Variants in PARP8 observed in about 807,000 individuals in gnomAD.
The protein encoded by PARP8 is poly(ADP-ribose) polymerase family member 8.
Under a neutral mutation model 124.1 loss-of-function variants are expected in PARP8, and 51 were observed. The observed-to-expected ratio is 0.41, with a 90% CI of 0.33 to 0.52. The LOEUF (loss-of-function observed/expected upper bound fraction) is 0.52. Among genes scored for constraint, PARP8 ranks in the 20% least tolerant of loss-of-function variants. The probability of loss-of-function intolerance (pLI) is 0.21; values close to 1 mark genes in which losing one functional copy is unlikely to be tolerated. For synonymous variants in PARP8, 391 were observed against 361.5 expected, an observed-to-expected ratio of 1.08 and a Z score of -0.93; for missense variants, 860 against 1,018.9, an observed-to-expected ratio of 0.84 and a Z score of 2.12.
chr5:50,698,613 A>C (rs1753274914), intron 2 of PARP8, among the ~76,000 whole-genome samples: 1 of 152,128 alleles, frequency 6.6e-6, no homozygotes, highest in Non-Finnish European at 1.5e-5. Flanking sequence ...AGAGCAGGAG[A>C]AAAGCCAAGG....
At chr5:50,774,315 C>A (rs1016450301) in intron 7 of PARP8, among the ~76,000 whole-genome samples, 1 of 152,128 alleles carries the variant, frequency 6.6e-6, no homozygotes, top group Non-Finnish European at 1.5e-5. Context: ...ACAAAACCAC[C>A]ATCGTCATCA....
Position 50,760,378 on chromosome 5 carries a change from T to G in PARP8, c.345+16T>G, listed in dbSNP as rs1233976787. 1 of 1,489,754 alleles carries G rather than the reference T, an allele frequency of 6.7e-7. No individual in the cohort carries two copies. Among genetic ancestry groups the G allele is most frequent in the Admixed American group, 2.0e-5 (1 of 50,222 alleles). The allele number at this position is 1,489,754 out of a possible 1,614,324, so 92.3% of individuals were successfully genotyped here. ...AAATGGGGAGGTATGTAAATTATAT[T>G]TTTTATTTTCTTGAAACAGTATAGA... On this transcript the variant is annotated intron_variant, in intron 5 of 25. Transcript: ENST00000281631.
At position 50,720,550 on chromosome 5, in the gene PARP8, A is replaced by G. The variant is rs565731299; in HGVS notation, c.147-29601A>G. On this transcript the variant is annotated intron_variant, in intron 2 of 25. Transcript: ENST00000281631. ...TCTGCCAGCTGCCTCTGAAAGGAAGATCCCAGAAGCTGTGGCAGAATACTT... is the reference window on the plus strand; with the variant it reads ...TCTGCCAGCTGCCTCTGAAAGGAAGGTCCCAGAAGCTGTGGCAGAATACTT... Among the ~76,000 whole-genome samples the G allele has an allele frequency of 3.3e-5, 5 of 152,126 alleles. No homozygotes were observed. The East Asian group carries it at 9.7e-4, about 30-fold the overall frequency.
At chr5:50,706,390 A>G (rs1359482186) in intron 2 of PARP8, among the ~76,000 whole-genome samples, 2 of 152,092 alleles carry the variant, frequency 1.3e-5, no homozygotes, top group African/African-American at 4.8e-5. Flanking sequence ...CATGTCTGGT[A>G]TCAATTTTTC....
intron 9 of PARP8, among the ~76,000 whole-genome samples, chr5:50,787,141 C>T (rs1741347102): frequency 6.6e-6 from 1 of 152,102 alleles, no homozygotes; most frequent in Non-Finnish European, 1.5e-5. Flanking sequence ...CCAGTCCACC[C>T]GCAAAATCTG....
intron 4 of PARP8, 51 bp downstream of exon 4, chr5:50,759,783 T>C: frequency 6.6e-7 from 1 of 1,510,266 alleles, no homozygotes; most frequent in African/African-American, 1.5e-5. Flanking sequence ...AATTGCATTA[T>C]CTTTTTTTGT....
In PARP8 at chr5:50,826,758, T is replaced by C. The variant is rs1434094821; in HGVS notation, c.1932T>C (p.Val644=). 1 of 1,586,390 alleles carries C rather than the reference T, an allele frequency of 6.3e-7. No individual in the cohort carries two copies. Among genetic ancestry groups the C allele is most frequent in the Admixed American group, 1.9e-5 (1 of 53,374 alleles). The change falls in exon 19 of 26, where the codon GTT becomes GTC. Residue 644 remains valine (V), a synonymous_variant. Transcript: ENST00000281631. ...TAATGGATCATTTTAATTTCAGGGTTATATCAAGTAATAGATCACATATTG... is the reference window on the plus strand; with the variant it reads ...TAATGGATCATTTTAATTTCAGGGTCATATCAAGTAATAGATCACATATTG... ...DPLAHPLLQW[V]ISSNRSHIVK...
rs184595515 is a variant in PARP8, at chr5:50,756,227, G to T, written c.185-3416G>T. On this transcript the variant is annotated intron_variant, in intron 3 of 25. Transcript: ENST00000281631. ...GAACTTCCAACACTATGTTGAATAG[G>T]AGTGGTGAGAGAGGGCATCCCTGTC... 2.0e-3 allele frequency among the ~76,000 whole-genome samples: 298 copies of T among 151,922 alleles called. 3 individuals are homozygous for T. Among genetic ancestry groups the T allele is most frequent in the African/African-American group, 6.8e-3 (282 of 41,440 alleles).
At chr5:50,771,332 T>A (rs1761610638) in intron 7 of PARP8, among the ~76,000 whole-genome samples, 1 of 152,164 alleles carries the variant, frequency 6.6e-6, no homozygotes, top group Non-Finnish European at 1.5e-5. Flanking sequence ...GCTAATTTTG[T>A]ATTTTCAGTA....
At position 50,667,823 on chromosome 5, in the gene PARP8, C is replaced by T. The variant is rs111349294; in HGVS notation, c.92-248C>T. 3.2e-5 allele frequency: 38 copies of T among 1,171,640 alleles called. No individual in the cohort carries two copies. In the Admixed American group the frequency reaches 7.3e-4, roughly 23 times the overall value. The allele number at this position is 1,171,640 out of a possible 1,614,324, so 72.6% of individuals were successfully genotyped here. ...CGGCTGAGGCTGCTTCCGGCCTCCC[C>T]TATCGGGAAATTCCCGCTGTTGCCA... On this transcript the variant is annotated intron_variant, in intron 1 of 25. Transcript: ENST00000281631.
At chr5:50,698,490 A>G (rs1482607836) in intron 2 of PARP8, among the ~76,000 whole-genome samples, 2 of 152,182 alleles carry the variant, frequency 1.3e-5, no homozygotes, top group African/African-American at 2.4e-5. Flanking sequence ...TATTACTGTG[A>G]TAAAATGACC....
intron 2 of PARP8, chr5:50,668,695 C>A (rs2112191899): frequency 6.6e-6 from 1 of 152,302 alleles, no homozygotes; most frequent in South Asian, 2.1e-4. Flanking sequence ...ATGAGAGATG[C>A]ACATTTCGTT....
chr5:50,726,469 T>G (rs1756440166), intron 2 of PARP8, among the ~76,000 whole-genome samples: 1 of 152,196 alleles, frequency 6.6e-6, no homozygotes, highest in Non-Finnish European at 1.5e-5. Flanking sequence ...GGGAAGCTGC[T>G]TTTTCTTGTT....
chr5:50,842,119 C>A lies in PARP8; in HGVS notation c.*51C>A. ...TCGAAAGCCTTCCTCGGGTTCAAAG[C>A]TGGATTTTGAACTGAAGAAGATTAT... On this transcript the variant is annotated 3_prime_UTR_variant, in exon 26 of 26. Transcript: ENST00000281631. 7.7e-7 allele frequency: 1 copy of A among 1,305,874 alleles called. No individual in the cohort carries two copies. Among genetic ancestry groups the A allele is most frequent in the Non-Finnish European group, 1.1e-6 (1 of 919,432 alleles). The allele number at this position is 1,305,874 out of a possible 1,614,324, so 80.9% of individuals were successfully genotyped here. A position where few individuals can be genotyped will look rare whatever the true frequency, so the allele number is the denominator to read the frequency against.
At chr5:50,827,178 C>T (rs773267204) in intron 19 of PARP8, among the ~76,000 whole-genome samples, 1 of 151,994 alleles carries the variant, frequency 6.6e-6, no homozygotes, top group Admixed American at 6.6e-5. Context: ...AGCTATTGAC[C>T]TCAGACAACT....
chr5:50,839,540 A>C (rs1747942575), intron 25 of PARP8, among the ~76,000 whole-genome samples: 1 of 152,008 alleles, frequency 6.6e-6, no homozygotes. Context: ...AATTTAAAAC[A>C]CCTGAATGCC....
At chr5:50,725,173 G>A (rs1054168078) in intron 2 of PARP8, among the ~76,000 whole-genome samples, 1 of 151,046 alleles carries the variant, frequency 6.6e-6, no homozygotes, top group African/African-American at 2.4e-5. Flanking sequence ...TATAAAACAT[G>A]TTCTGTATCC....
intron 14 of PARP8, among the ~76,000 whole-genome samples, chr5:50,798,625 T>C (rs1742833057): frequency 6.6e-6 from 1 of 152,064 alleles, no homozygotes; most frequent in Non-Finnish European, 1.5e-5. Flanking sequence ...GGTTTCACTG[T>C]GTTGGCCAGG....
At chr5:50,783,030 T>G (rs1294864159) in intron 9 of PARP8, among the ~76,000 whole-genome samples, 1 of 151,712 alleles carries the variant, frequency 6.6e-6, no homozygotes, top group African/African-American at 2.4e-5. Flanking sequence ...ATGTCAGGAG[T>G]TGCTCTGTAG....
Sources: gnomAD v4.1 joint callset for allele counts (sites outside exome capture counted in the v4.1 genomes callset) on GRCh38, gnomAD v4.1.1 for gene constraint, MANE v1.5 for transcripts, NCBI Gene and HGNC (gene_info 2026-07-23, HGNC 2026-07-21) for gene names.